Variants in CHSY1 observed in about 807,000 individuals in gnomAD.
CHSY1 encodes the protein chondroitin sulfate synthase 1.
In CHSY1, 13 loss-of-function variants were observed where a neutral mutation model predicts 59.8. The observed-to-expected ratio is 0.22, with a 90% CI of 0.14 to 0.35. CHSY1 has a LOEUF of 0.35. Among genes scored for constraint, CHSY1 ranks in the 10% least tolerant of loss-of-function variants. The pLI is 1.00. For synonymous variants in CHSY1, 459 were observed against 401.2 expected, an observed-to-expected ratio of 1.14 and a Z score of -1.72; for missense variants, 947 against 1,030.6, an observed-to-expected ratio of 0.92 and a Z score of 1.11.
At chr15:101,195,932 T>G (rs1440732776) in intron 2 of CHSY1, among the ~76,000 whole-genome samples, 1 of 151,172 alleles carries the variant, frequency 6.6e-6, no homozygotes, top group Non-Finnish European at 1.5e-5. Flanking sequence ...TTAGTTAATA[T>G]AAATTATATA....
In CHSY1 at chr15:101,205,062, A is replaced by G. The variant is rs190337680; in HGVS notation, c.817-26082T>C. ...TTTCTAAACAGCTCTTTAACTACTC[A>G]GAGAGATTTTCAGAAGCATAAAGCA... On this transcript the variant is annotated intron_variant, in intron 2 of 2. Coordinates refer to ENST00000254190, the MANE Select transcript of CHSY1 (RefSeq NM_014918.5). Among the ~76,000 whole-genome samples, 7 of 152,366 alleles carry G rather than the reference A, an allele frequency of 4.6e-5. No homozygotes were observed. In the East Asian group the frequency reaches 1.3e-3, roughly 29 times the overall value.
At chr15:101,245,595 C>T (rs915054991) in intron 1 of CHSY1, among the ~76,000 whole-genome samples, 9 of 152,112 alleles carry the variant, frequency 5.9e-5, no homozygotes, top group Admixed American at 1.3e-4. Flanking sequence ...GACAGGGGAA[C>T]GTGAAGCTGC....
At chr15:101,235,029 T>C (rs977820708) in intron 2 of CHSY1, 53 bp downstream of exon 2, 81 of 1,602,188 alleles carry the variant, frequency 5.1e-5, no homozygotes, top group Non-Finnish European at 6.8e-5. Flanking sequence ...TCAGAACTAA[T>C]GACAAAATTG....
chr15:101,236,832 T>A (rs1284369798), intron 1 of CHSY1, among the ~76,000 whole-genome samples: 2 of 148,988 alleles, frequency 1.3e-5, no homozygotes, highest in Non-Finnish European at 3.0e-5. Context: ...CTCAAAAAAA[T>A]AAATAAATAA....
chr15:101,230,305 C>T (rs2038881218), intron 2 of CHSY1, among the ~76,000 whole-genome samples: 2 of 152,168 alleles, frequency 1.3e-5, no homozygotes, highest in African/African-American at 4.8e-5. Flanking sequence ...CACTGAGGGT[C>T]TGCCTGGTTC....
At chr15:101,232,770 T>A (rs2038903957) in intron 2 of CHSY1, among the ~76,000 whole-genome samples, 1 of 152,152 alleles carries the variant, frequency 6.6e-6, no homozygotes, top group Non-Finnish European at 1.5e-5. Flanking sequence ...TCAGCAGAAA[T>A]ACGGGCCAAG....
chr15:101,200,790 A>G (rs2038565783), intron 2 of CHSY1, among the ~76,000 whole-genome samples: 2 of 152,080 alleles, frequency 1.3e-5, no homozygotes, highest in Non-Finnish European at 2.9e-5. Context: ...TGGTCTTTCA[A>G]TATGGAACCC....
chr15:101,182,702 T>C (rs905401056), intron 2 of CHSY1, among the ~76,000 whole-genome samples: 13 of 152,264 alleles, frequency 8.5e-5, no homozygotes, highest in Admixed American at 2.6e-4. Context: ...GTCTTTTGGA[T>C]CAATTGAACA....
chr15:101,222,974 C>T (rs2038805455), intron 2 of CHSY1, among the ~76,000 whole-genome samples: 1 of 152,186 alleles, frequency 6.6e-6, no homozygotes, highest in Non-Finnish European at 1.5e-5. Flanking sequence ...ATAAAAACCA[C>T]CACAGTGACT....
chr15:101,235,343 C>A lies in CHSY1; in HGVS notation c.555G>T (p.Leu185=). The change falls in exon 2 of 3, where the codon CTG becomes CTT. Residue 185 remains leucine, a synonymous_variant. Transcript: ENST00000254190. ...GGGGCTCGCTGCTGTTCAAACTCCT[C>A]AGGAAGTTCTCCAGACGGTCTCCTT... is the stretch of plus-strand genomic sequence containing the variant. ...YIKGDRLENF[L]RSLNSSEPLF... is the part of the protein sequence containing the mutation. 6.2e-7 allele frequency: 1 copy of A among 1,614,230 alleles called. No individual in the cohort carries two copies. The highest frequency in any genetic ancestry group is 8.5e-7 in the Non-Finnish European group (1 of 1,180,040).
intron 2 of CHSY1, among the ~76,000 whole-genome samples, chr15:101,212,937 G>A (rs189714115): frequency 4.1e-4 from 63 of 152,248 alleles, no homozygotes; most frequent in Non-Finnish European, 7.6e-4. Flanking sequence ...CAGGTGGTAA[G>A]TATATAAATA....
intron 2 of CHSY1, among the ~76,000 whole-genome samples, chr15:101,194,680 A>C (rs2038486536): frequency 6.6e-6 from 1 of 152,186 alleles, no homozygotes; most frequent in African/African-American, 2.4e-5. Flanking sequence ...CCTAGAACAG[A>C]TCTGCTGCAT....
intron 2 of CHSY1, among the ~76,000 whole-genome samples, chr15:101,218,385 T>C: frequency 6.6e-6 from 1 of 152,028 alleles, no homozygotes; most frequent in East Asian, 1.9e-4. Context: ...TCTCCTGAGG[T>C]CAGGAGTTTG....
chr15:101,191,487 T>C (rs1171769975), intron 2 of CHSY1, among the ~76,000 whole-genome samples: 1 of 152,198 alleles, frequency 6.6e-6, no homozygotes, highest in Non-Finnish European at 1.5e-5. Context: ...ATGATACATA[T>C]ATGAGGGTAT....
At chr15:101,243,178 C>T (rs559498103) in intron 1 of CHSY1, among the ~76,000 whole-genome samples, 42 of 152,196 alleles carry the variant, frequency 2.8e-4, no homozygotes, top group Non-Finnish European at 5.7e-4. Context: ...CCCAGGTTCA[C>T]GGCAAACAAT....
In CHSY1 at chr15:101,251,785, A is replaced by ACGACGGCGG. The variant is rs1015417988; in HGVS notation, c.-338_-330dup. On this transcript the variant is annotated 5_prime_UTR_variant, in exon 1 of 3. Transcript: ENST00000254190. ...GGGACGCGGGGCCGGCACGACGGCG[A>ACGACGGCGG]CGACGGCGGCGGCAGACGAGTCCGG... 6.7e-6 allele frequency: 1 copy of ACGACGGCGG among 149,160 alleles called. No individual in the cohort carries two copies. Among genetic ancestry groups the ACGACGGCGG allele is most frequent in the African/African-American group, 2.4e-5 (1 of 40,850 alleles). The allele number at this position is 149,160 out of a possible 1,614,324, so 9.2% of individuals were successfully genotyped here.
chr15:101,235,731 C>A (rs946386690), intron 1 of CHSY1, among the ~76,000 whole-genome samples, 154 bp from the exon 2 acceptor site: 1 of 151,956 alleles, frequency 6.6e-6, no homozygotes, highest in East Asian at 1.9e-4. Context: ...CCCAGGTTAC[C>A]GCGTATTGCA....
At chr15:101,202,179 A>G (rs2038580764) in intron 2 of CHSY1, among the ~76,000 whole-genome samples, 1 of 132,874 alleles carries the variant, frequency 7.5e-6, no homozygotes, top group African/African-American at 2.9e-5. Context: ...GTGGGATCTC[A>G]GACACAGCAG....
chr15:101,193,806 C>A (rs1393044906), intron 2 of CHSY1, among the ~76,000 whole-genome samples: 1 of 152,216 alleles, frequency 6.6e-6, no homozygotes, highest in Non-Finnish European at 1.5e-5. Flanking sequence ...ATGCTCCACA[C>A]CAGGAGAGTG....
Sources: allele counts gnomAD v4.1 joint callset (sites outside exome capture counted in the v4.1 genomes callset), GRCh38; gene constraint gnomAD v4.1.1; transcripts MANE v1.5; gene names NCBI Gene and HGNC (gene_info 2026-07-23, HGNC 2026-07-21).